CDKL1: variants seen among roughly 807,000 people sequenced by gnomAD.
CDKL1 encodes cyclin dependent kinase like 1.
A neutral mutation model predicts 42.0 loss-of-function variants in CDKL1; 41 were observed. The ratio of observed to expected loss-of-function variants is 0.98; its 90% CI spans 0.76 to 1.27. CDKL1 has a LOEUF of 1.27. CDKL1 is among the 50% of genes most tolerant of loss of function. The probability of loss-of-function intolerance (pLI) is 0.00; values close to 1 mark genes in which losing one functional copy is unlikely to be tolerated. For synonymous variants in CDKL1, 153 were observed against 158.6 expected, an observed-to-expected ratio of 0.96 and a Z score of 0.26; for missense variants, 394 against 428.4, an observed-to-expected ratio of 0.92 and a Z score of 0.71.
At chr14:50,347,250 A>AAT (rs1382998132) in intron 3 of CDKL1, among the ~76,000 whole-genome samples, 1 of 152,094 alleles carries the variant, frequency 6.6e-6, no homozygotes, top group African/African-American at 2.4e-5. Flanking sequence ...AAACACTCAT[A>AAT]ATAAGAGGGG....
At chr14:50,387,013 C>A (rs939012937) in intron 2 of CDKL1, among the ~76,000 whole-genome samples, 2 of 147,788 alleles carry the variant, frequency 1.4e-5, no homozygotes, top group Non-Finnish European at 3.0e-5. Flanking sequence ...GAAGACAGAG[C>A]GAGACTCCGT....
In CDKL1 at chr14:50,358,918, G is replaced by T. The variant is rs531185297; in HGVS notation, c.290+110C>A. Reference sequence around the variant, plus strand: ...GCCTCCCAAAGTGCTGGGATTACTGGCATGAGCCACTGCACCCGGCCTTAC... The same window carrying T: ...GCCTCCCAAAGTGCTGGGATTACTGTCATGAGCCACTGCACCCGGCCTTAC... On this transcript the variant is annotated intron_variant, in intron 3 of 9. Coordinates refer to ENST00000395834, the MANE Select transcript of CDKL1 (RefSeq NM_004196.7). The T allele has an allele frequency of 2.0e-4, 207 of 1,055,746 alleles. No individual in the cohort carries two copies. The African/African-American group carries it at 3.0e-3, about 15-fold the overall frequency. 65.4% of individuals were successfully genotyped at this position (1,055,746 alleles called of 1,614,324 possible). A position where few individuals can be genotyped will look rare whatever the true frequency, so the allele number is the denominator to read the frequency against.
chr14:50,343,174 T>TTTTG (rs2033613346), intron 4 of CDKL1: 3 of 477,258 alleles, frequency 6.3e-6, no homozygotes, highest in South Asian at 4.2e-5. Flanking sequence ...TTTTTTTTTT[T>TTTTG]GAGTTGGGTC....
chr14:50,356,541 A>G (rs2034062443), intron 3 of CDKL1, among the ~76,000 whole-genome samples: 1 of 152,218 alleles, frequency 6.6e-6, no homozygotes, highest in African/African-American at 2.4e-5. Context: ...GACAGGATGG[A>G]GCTGGAAGCT....
At chr14:50,343,774 C>T (rs1394319564) in intron 4 of CDKL1, among the ~76,000 whole-genome samples, 1 of 152,120 alleles carries the variant, frequency 6.6e-6, no homozygotes, top group Non-Finnish European at 1.5e-5. Flanking sequence ...CTCTTGCTCC[C>T]CCATCCTAAA....
chr14:50,386,287 T>G (rs1176977486), intron 2 of CDKL1, among the ~76,000 whole-genome samples: 1 of 151,618 alleles, frequency 6.6e-6, no homozygotes, highest in East Asian at 2.0e-4. Flanking sequence ...AATAAATTAG[T>G]CAGGCACTAT....
At chr14:50,389,056 G>A (rs1447011606) in intron 2 of CDKL1, among the ~76,000 whole-genome samples, 3 of 142,924 alleles carry the variant, frequency 2.1e-5, no homozygotes, top group Non-Finnish European at 3.0e-5. Context: ...CCGAGATTGC[G>A]CTATTGCACT....
At chr14:50,351,418 G>A (rs1036139151) in intron 3 of CDKL1, among the ~76,000 whole-genome samples, 4 of 152,066 alleles carry the variant, frequency 2.6e-5, no homozygotes, top group African/African-American at 9.7e-5. Flanking sequence ...CTGTGAAAAT[G>A]TACATTGAGA....
At chr14:50,390,232 C>T (rs778653229) in intron 2 of CDKL1, 1 of 1,364,960 alleles carries the variant, frequency 7.3e-7, no homozygotes, top group Non-Finnish European at 9.8e-7. Flanking sequence ...TGCTTTCAGC[C>T]CTTGACCAAT....
At position 50,328,543 on chromosome 14, in the gene CDKL1, T is replaced by C. The variant is rs2032790977; in HGVS notation, c.*1531A>G. ...GAGTGAAATACAACTTTGAAGACCA[T>C]GGCTGAGAAGTGCTAGGAATAGTGG... On this transcript the variant is annotated 3_prime_UTR_variant, in exon 10 of 10. Transcript: ENST00000395834. 1 of 152,174 alleles carries C rather than the reference T, an allele frequency of 6.6e-6. No individual in the cohort carries two copies. The highest frequency in any genetic ancestry group is 1.5e-5 in the Non-Finnish European group (1 of 68,026). The allele number at this position is 152,174 out of a possible 1,614,324, so 9.4% of individuals were successfully genotyped here. A position where few individuals can be genotyped will look rare whatever the true frequency, so the allele number is the denominator to read the frequency against.
At chr14:50,371,819 C>A (rs1240221776) in intron 2 of CDKL1, among the ~76,000 whole-genome samples, 1 of 152,240 alleles carries the variant, frequency 6.6e-6, no homozygotes, top group African/African-American at 2.4e-5. Context: ...CCCCTGCAGG[C>A]TCAGAAGTGC....
intron 2 of CDKL1, chr14:50,363,014 G>C (rs761160746): frequency 1.3e-5 from 6 of 452,226 alleles, no homozygotes; most frequent in Middle Eastern, 4.5e-4. Context: ...CTTCACTCTT[G>C]AAGCCAGGGA....
At chr14:50,379,802 G>C (rs2034850248) in intron 2 of CDKL1, among the ~76,000 whole-genome samples, 1 of 152,220 alleles carries the variant, frequency 6.6e-6, no homozygotes, top group Admixed American at 6.5e-5. Flanking sequence ...AAGTGTTGCT[G>C]ACTGAGTCAC....
At chr14:50,341,464 G>T (rs965053230) in intron 5 of CDKL1, among the ~76,000 whole-genome samples, 8 of 138,748 alleles carry the variant, frequency 5.8e-5, no homozygotes, top group East Asian at 3.9e-4. Flanking sequence ...TCTGGGGGGG[G>T]GGGGGGGGTT....
chr14:50,339,005 T>TG lies in CDKL1; in HGVS notation c.679dup (p.Gln227ProfsTer4), dbSNP rs1485551102. On this transcript the variant is annotated frameshift_variant, in exon 7 of 10. Coordinates refer to ENST00000395834, the MANE Select transcript of CDKL1 (RefSeq NM_004196.7). LOFTEE classifies it high-confidence loss of function. ...GAAGTACTGATTCGTGCTAAACACT[T>TG]GCTGGTGCCTAGGAATGAGATCCCC... 2 of 1,612,370 alleles carry TG rather than the reference T, an allele frequency of 1.2e-6. No homozygotes were observed. The highest frequency in any genetic ancestry group is 1.7e-6 in the Non-Finnish European group (2 of 1,178,414).
intron 2 of CDKL1, among the ~76,000 whole-genome samples, chr14:50,373,956 A>G (rs753132262): frequency 7.9e-5 from 12 of 152,242 alleles, no homozygotes; most frequent in Non-Finnish European, 1.8e-4. Context: ...AACTATGTCC[A>G]TATGAAAACC....
chr14:50,356,179 T>C (rs1566588649), intron 3 of CDKL1, among the ~76,000 whole-genome samples: 1 of 152,200 alleles, frequency 6.6e-6, no homozygotes, highest in Non-Finnish European at 1.5e-5. Flanking sequence ...TTTGTTGATA[T>C]TGTCTAATAG....
Position 50,390,307 on chromosome 14 carries a change from C to A in CDKL1, c.168+5394G>T, listed in dbSNP as rs780014936. 3 of 1,366,204 alleles carry A rather than the reference C, an allele frequency of 2.2e-6. No homozygotes were observed. The East Asian group carries it at 1.4e-4, about 62-fold the overall frequency. The allele number at this position is 1,366,204 out of a possible 1,614,324, so 84.6% of individuals were successfully genotyped here. ...ATAGGTAGAACGTCTGCCCAGGGAT[C>A]CCACAGTGACACTGTCCTGTCCTTG... On this transcript the variant is annotated intron_variant, in intron 2 of 9. Coordinates refer to ENST00000395834, the MANE Select transcript of CDKL1 (RefSeq NM_004196.7).
chr14:50,342,428 G>C, intron 4 of CDKL1: 1 of 1,335,386 alleles, frequency 7.5e-7, no homozygotes, highest in Non-Finnish European at 9.6e-7. Context: ...AGGCCCAAAA[G>C]AGCCAAGAAG....
Sources: allele counts gnomAD v4.1 joint callset (sites outside exome capture counted in the v4.1 genomes callset), GRCh38; gene constraint gnomAD v4.1.1; transcripts MANE v1.5; gene names NCBI Gene and HGNC (gene_info 2026-07-23, HGNC 2026-07-21).